SYN1: variants seen among roughly 807,000 people sequenced by gnomAD.
SYN1 encodes synapsin I.
In SYN1, 8 loss-of-function variants were observed where a neutral mutation model predicts 44.6. The observed-to-expected ratio is 0.18, with a 90% CI of 0.11 to 0.32. The LOEUF (loss-of-function observed/expected upper bound fraction) is 0.32. Ranked by LOEUF, SYN1 falls within the 10% of genes least tolerant of loss-of-function variation. The pLI, the probability that SYN1 is intolerant of heterozygous loss-of-function variation, is 1.00. For synonymous variants in SYN1, 275 were observed against 280.1 expected, an observed-to-expected ratio of 0.98 and a Z score of 0.18; for missense variants, 451 against 639.4, an observed-to-expected ratio of 0.71 and a Z score of 3.18.
At chrX:47,583,642 C>T (rs945418036) in intron 5 of SYN1, 2 of 935,399 alleles carry the variant, frequency 2.1e-6, no homozygotes, top group East Asian at 3.4e-5. Flanking sequence ...CTCGCCCCTG[C>T]ACTTCCTCTG....
In SYN1 at chrX:47,574,533, C is replaced by T; in HGVS notation, c.1451G>A (p.Arg484His). 1 of 1,078,721 alleles carries T rather than the reference C, an allele frequency of 9.3e-7. No homozygotes were observed. Among genetic ancestry groups the T allele is most frequent in the Non-Finnish European group, 1.2e-6 (1 of 835,504 alleles). The allele number at this position is 1,078,721 out of a possible 1,213,427, so 88.9% of individuals were successfully genotyped here. A position where few individuals can be genotyped will look rare whatever the true frequency, so the allele number is the denominator to read the frequency against. The change falls in exon 12 of 13, where the codon CGC (arginine) becomes CAC (histidine). Residue 484 changes from arginine (R) to histidine (H), a missense_variant. Physicochemically the swap from Arg to His is conservative, Grantham distance 29. Transcript: ENST00000295987. ...GTGCTGCTGGCCCTGCGGGGGCGGG[C>T]GCTGCTGCAATGGGGGTCCCTGGCG... is the stretch of plus-strand genomic sequence containing the variant. ...PQRQGPPLQQ[R>H]PPPQGQQHLS...
At chrX:47,600,863 T>C (rs181661476) in intron 5 of SYN1, among the ~76,000 whole-genome samples, 334 of 111,795 alleles carry the variant, frequency 3.0e-3, no homozygotes, top group Non-Finnish European at 5.2e-3. Flanking sequence ...CATATCAAAA[T>C]GTAAGGGATG....
Position 47,573,014 on chromosome X carries a change from G to A in SYN1, c.1983-15C>T. ...ACTGGGATTTGCTAGAGAGAGACAA[G>A]GTGGAGGCGTGGGAGGAAGGGGGAA... On this transcript the variant is annotated splice_polypyrimidine_tract_variant and intron_variant, in intron 12 of 12. Transcript: ENST00000295987. The A allele has an allele frequency of 8.3e-7, 1 of 1,211,112 alleles. No individual in the cohort carries two copies. The highest frequency in any genetic ancestry group is 2.3e-4 in the Middle Eastern group (1 of 4,333).
chrX:47,578,882 C>T (rs1178831716), intron 5 of SYN1, among the ~76,000 whole-genome samples: 1 of 111,607 alleles, frequency 9.0e-6, no homozygotes, highest in Non-Finnish European at 1.9e-5. Flanking sequence ...GCACACCCCC[C>T]CTTCCTCATT....
chrX:47,595,435 C>T (rs1011687246), intron 5 of SYN1, among the ~76,000 whole-genome samples: 2 of 111,215 alleles, frequency 1.8e-5, no homozygotes, highest in Non-Finnish European at 3.8e-5. Context: ...ACACCCTTAA[C>T]CTGTGTGATC....
At chrX:47,587,708 A>C (rs2057832195) in intron 5 of SYN1, among the ~76,000 whole-genome samples, 1 of 109,820 alleles carries the variant, frequency 9.1e-6, no homozygotes, top group African/African-American at 3.3e-5. Context: ...GAGTGAGAGA[A>C]CCTCCAAATA....
chrX:47,606,730 AAT>A (rs1176440504), intron 3 of SYN1, among the ~76,000 whole-genome samples: 16 of 99,282 alleles, frequency 1.6e-4, no homozygotes, highest in Middle Eastern at 5.1e-3. Flanking sequence ...CCCTGTCTGA[AAT>A]ATATATATAT....
chrX:47,608,803 G>T (rs1330156061), intron 1 of SYN1, among the ~76,000 whole-genome samples: 1 of 108,306 alleles, frequency 9.2e-6, no homozygotes, highest in East Asian at 2.9e-4. Context: ...CCTCAATCAG[G>T]TTTATCATGG....
rs73496236 is a variant in SYN1 at position 47,595,220 on chromosome X, G to T, written c.774+9758C>A. ...CTTCGTCCTCTGCATCTCTTCATCT[G>T]TATCCTTTGTAATGTAATACTCTTT... On this transcript the variant is annotated intron_variant, in intron 5 of 12. Coordinates refer to ENST00000295987, the MANE Select transcript of SYN1 (RefSeq NM_006950.3). Among the ~76,000 whole-genome samples, 732 of 111,746 alleles carry T rather than the reference G, an allele frequency of 6.6e-3. 4 individuals carry two copies. The highest frequency in any genetic ancestry group is 0.023 in the African/African-American group (697 of 30,729).
intron 1 of SYN1, among the ~76,000 whole-genome samples, chrX:47,608,886 G>GACACACACACAC (rs34092010): frequency 5.6e-5 from 5 of 89,542 alleles, no homozygotes; most frequent in Non-Finnish European, 1.1e-4. Flanking sequence ...GTCTTGGACA[G>GACACACACACAC]ACACACACAC....
At chrX:47,613,005 C>T (rs767925975) in intron 1 of SYN1, among the ~76,000 whole-genome samples, 25 of 110,313 alleles carry the variant, frequency 2.3e-4, no homozygotes, top group African/African-American at 7.3e-4. Context: ...TGGTGGCGCA[C>T]GCCTGTAATC....
chrX:47,592,953 C>T (rs2057852673), intron 5 of SYN1, among the ~76,000 whole-genome samples: 1 of 108,817 alleles, frequency 9.2e-6, no homozygotes, highest in East Asian at 2.9e-4. Context: ...TAGCTCACTG[C>T]AGCCTCAAAC....
chrX:47,573,026 GGAGGAAGGGGGAA>G (rs776816305), intron 12 of SYN1, 27 bp from the exon 13 acceptor site: 4 of 1,209,434 alleles, frequency 3.3e-6, no homozygotes, highest in Non-Finnish European at 4.5e-6. Flanking sequence ...TGGAGGCGTG[GGAGGAAGGGGGAA>G]GAGGAAGGGG....
Position 47,585,317 on chromosome X carries a change from A to T in SYN1, c.775-7816T>A, listed in dbSNP as rs778571038. The T allele has an allele frequency of 4.1e-6, 5 of 1,209,735 alleles. No individual in the cohort carries two copies. In the East Asian group the frequency reaches 1.5e-4, roughly 36 times the overall value. On this transcript the variant is annotated intron_variant, in intron 5 of 12. Transcript: ENST00000295987. ...CACAGGTCCCACAACCGCAGCGAGG[A>T]GTTTCTCATTGCTGGTGAGGCACCG...
chrX:47,603,906 AT>A (rs869237796), intron 5 of SYN1, among the ~76,000 whole-genome samples: 1,398 of 94,685 alleles, frequency 0.015, 17 homozygotes, highest in Middle Eastern at 0.049. Flanking sequence ...ATATATATAT[AT>A]TTTTTTTTTT....
intron 5 of SYN1, chrX:47,585,278 T>A (rs1324579667): frequency 8.3e-7 from 1 of 1,209,552 alleles, no homozygotes; most frequent in Non-Finnish European, 1.1e-6. Flanking sequence ...ATGGAGAGTG[T>A]CTGCGGATAC....
intron 5 of SYN1, among the ~76,000 whole-genome samples, chrX:47,591,119 A>C (rs1489482041): frequency 8.9e-6 from 1 of 111,821 alleles, no homozygotes; most frequent in Non-Finnish European, 1.9e-5. Context: ...TCCTAGGCTC[A>C]AGCGATCCTC....
In SYN1 at chrX:47,605,146, A is replaced by G. The variant is rs1023059906; in HGVS notation, c.684+77T>C. 5.0e-6 allele frequency: 6 copies of G among 1,201,695 alleles called. No homozygotes were observed. The Admixed American group carries it at 1.3e-4, about 26-fold the overall frequency. Reference sequence around the variant, plus strand: ...TTTCTGAACACCCTCACTTCCCCAAATCGCAGACTGGTTTCAAGCTCCCAC... The same window carrying G: ...TTTCTGAACACCCTCACTTCCCCAAGTCGCAGACTGGTTTCAAGCTCCCAC... On this transcript the variant is annotated intron_variant, in intron 4 of 12. Coordinates refer to ENST00000295987, the MANE Select transcript of SYN1 (RefSeq NM_006950.3).
At chrX:47,590,862 T>C (rs1387098701) in intron 5 of SYN1, among the ~76,000 whole-genome samples, 1 of 111,942 alleles carries the variant, frequency 8.9e-6, no homozygotes, top group Admixed American at 9.5e-5. Context: ...TCCTTCTACA[T>C]ATTCCCTACT....
Sources: gnomAD v4.1 joint callset for allele counts (sites outside exome capture counted in the v4.1 genomes callset) on GRCh38, gnomAD v4.1.1 for gene constraint, MANE v1.5 for transcripts, NCBI Gene and HGNC (gene_info 2026-07-23, HGNC 2026-07-21) for gene names.